Variants in NAALADL2 observed in about 807,000 individuals in gnomAD.
NAALADL2 encodes inactive N-acetylated-alpha-linked acidic dipeptidase-like protein 2.
NAALADL2 carries 76 observed loss-of-function variants against 87.2 expected under a neutral mutation model. The observed-to-expected ratio is 0.87, with a 90% CI of 0.72 to 1.05. The LOEUF is 1.05. NAALADL2 is among the 50% of genes least tolerant of loss of function. NAALADL2 has a pLI of 0.00. For synonymous variants in NAALADL2, 354 were observed against 331.0 expected, an observed-to-expected ratio of 1.07 and a Z score of -0.75; for missense variants, 1,089 against 945.8, an observed-to-expected ratio of 1.15 and a Z score of -1.99.
chr3:175,355,956 T>C (rs1764310529), intron 5 of NAALADL2, among the ~76,000 whole-genome samples: 1 of 152,174 alleles, frequency 6.6e-6, no homozygotes, highest in Admixed American at 6.6e-5. Context: ...TTAAGAATTA[T>C]AAGCACAAGT....
intron 11 of NAALADL2, among the ~76,000 whole-genome samples, chr3:175,637,193 C>G (rs1299990947): frequency 2.0e-5 from 3 of 152,120 alleles, no homozygotes; most frequent in African/African-American, 7.2e-5. Context: ...TACTCATGCC[C>G]CAGTTTGATT....
chr3:175,741,692 C>T (rs1228020028), intron 12 of NAALADL2, among the ~76,000 whole-genome samples: 3 of 151,896 alleles, frequency 2.0e-5, no homozygotes, highest in Non-Finnish European at 2.9e-5. Flanking sequence ...GATAATTCAG[C>T]ATAATTTTTG....
At chr3:174,494,631 A>AG (rs1371613205) in intron 1 of NAALADL2, among the ~76,000 whole-genome samples, 1 of 151,590 alleles carries the variant, frequency 6.6e-6, no homozygotes, top group Admixed American at 6.6e-5. Flanking sequence ...TAAAAAAAAA[A>AG]AAGAAGTAGG....
intron 10 of NAALADL2, among the ~76,000 whole-genome samples, chr3:175,605,538 C>T (rs939156059): frequency 1.3e-5 from 2 of 151,754 alleles, no homozygotes; most frequent in African/African-American, 4.8e-5. Context: ...AAAAGATAGG[C>T]TTATTTGCCT....
chr3:174,539,412 A>G (rs750982123), intron 1 of NAALADL2, among the ~76,000 whole-genome samples: 1 of 152,150 alleles, frequency 6.6e-6, no homozygotes, highest in Non-Finnish European at 1.5e-5. Context: ...ACAAATCACA[A>G]AATTATTTAT....
chr3:175,578,253 T>G (rs1190747471), intron 10 of NAALADL2, among the ~76,000 whole-genome samples: 1 of 152,072 alleles, frequency 6.6e-6, no homozygotes, highest in Non-Finnish European at 1.5e-5. Flanking sequence ...GAAATCTTAT[T>G]TCTACGCAAT....
At chr3:175,383,488 C>G (rs74442715) in intron 5 of NAALADL2, among the ~76,000 whole-genome samples, 2,339 of 152,066 alleles carry the variant, frequency 0.015, 31 homozygotes, top group South Asian at 0.041. Flanking sequence ...TTATTATTAA[C>G]TACAGTTACC....
chr3:175,547,407 G>A (rs1408536237), intron 9 of NAALADL2, among the ~76,000 whole-genome samples: 1 of 151,872 alleles, frequency 6.6e-6, no homozygotes, highest in African/African-American at 2.4e-5. Flanking sequence ...CAAAAATTAA[G>A]CAAGATGGAT....
intron 11 of NAALADL2, among the ~76,000 whole-genome samples, chr3:175,684,927 G>A (rs1736066466): frequency 6.6e-6 from 1 of 152,200 alleles, no homozygotes; most frequent in South Asian, 2.1e-4. Context: ...GAAAGAGCTT[G>A]TAGTTAAAAT....
chr3:175,477,539 T>C (rs1725870229), intron 9 of NAALADL2, among the ~76,000 whole-genome samples: 1 of 152,138 alleles, frequency 6.6e-6, no homozygotes, highest in Admixed American at 6.6e-5. Flanking sequence ...CAGAAATCAC[T>C]TAATTTACTG....
chr3:175,263,409 C>T (rs1258042019), intron 4 of NAALADL2, among the ~76,000 whole-genome samples: 1 of 151,688 alleles, frequency 6.6e-6, no homozygotes, highest in Non-Finnish European at 1.5e-5. Flanking sequence ...TGGCTTAAAA[C>T]CAAATAAAAG....
chr3:175,028,337 C>A (rs189932692), intron 1 of NAALADL2, among the ~76,000 whole-genome samples: 1 of 152,190 alleles, frequency 6.6e-6, no homozygotes, highest in East Asian at 1.9e-4. Flanking sequence ...TATTTTCACT[C>A]ACTTTAAAAT....
At chr3:174,866,691 G>GA (rs1477433468) in intron 1 of NAALADL2, among the ~76,000 whole-genome samples, 4 of 151,730 alleles carry the variant, frequency 2.6e-5, no homozygotes, top group Non-Finnish European at 5.9e-5. Flanking sequence ...ATAGAGATAA[G>GA]AATAAGGAAG....
At chr3:174,549,918 T>C (rs1270585955) in intron 1 of NAALADL2, among the ~76,000 whole-genome samples, 1 of 151,590 alleles carries the variant, frequency 6.6e-6, no homozygotes, top group African/African-American at 2.4e-5. Context: ...ATGTCTCTTT[T>C]AAAGAAAAAA....
At chr3:175,238,016 A>G (rs1191261687) in intron 3 of NAALADL2, among the ~76,000 whole-genome samples, 1 of 152,198 alleles carries the variant, frequency 6.6e-6, no homozygotes, top group African/African-American at 2.4e-5. Context: ...TATTTTTTAA[A>G]AAGTTAATTA....
chr3:175,625,791 A>G (rs927041328), intron 10 of NAALADL2, among the ~76,000 whole-genome samples: 4 of 152,056 alleles, frequency 2.6e-5, no homozygotes, highest in Admixed American at 2.0e-4. Flanking sequence ...AAGAGGGAGT[A>G]ATAATAGTTT....
intron 2 of NAALADL2, among the ~76,000 whole-genome samples, chr3:174,552,915 G>T (rs76223679): frequency 0.021 from 3,201 of 150,994 alleles, 283 homozygotes; most frequent in East Asian, 0.17. Context: ...GCTTTAATTA[G>T]TTGAGGCACC....
At chr3:175,119,887 C>CATATATAT (rs10688417) in intron 2 of NAALADL2, among the ~76,000 whole-genome samples, 12 of 143,136 alleles carry the variant, frequency 8.4e-5, no homozygotes, top group African/African-American at 2.8e-4. Context: ...TATATATATA[C>CATATATAT]ATATATATAT....
At chr3:174,644,833 C>T (rs1723615178) in intron 2 of NAALADL2, among the ~76,000 whole-genome samples, 1 of 152,186 alleles carries the variant, frequency 6.6e-6, no homozygotes, top group Non-Finnish European at 1.5e-5. Context: ...GTAGAACAAA[C>T]ATCATTTGTA....
Sources: gnomAD v4.1 joint callset for allele counts (sites outside exome capture counted in the v4.1 genomes callset) on GRCh38, gnomAD v4.1.1 for gene constraint, MANE v1.5 for transcripts, NCBI Gene and HGNC (gene_info 2026-07-23, HGNC 2026-07-21) for gene names.